Variants in TNNI3K observed in about 807,000 individuals in gnomAD.
The protein encoded by TNNI3K is TNNI3 interacting kinase.
In TNNI3K, 140 loss-of-function variants were observed where a neutral mutation model predicts 114.5. The observed-to-expected ratio is 1.22, with a 90% CI of 1.07 to 1.41. The LOEUF (loss-of-function observed/expected upper bound fraction) is 1.41, where lower values mean the gene tolerates loss of function less well. Among genes scored for constraint, TNNI3K ranks in the 40% most tolerant of loss-of-function variants. The pLI, the probability that TNNI3K is intolerant of heterozygous loss-of-function variation, is 0.00. For missense variants in TNNI3K, 1,125 were observed against 1,007.6 expected, an observed-to-expected ratio of 1.12 and a Z score of -1.58; for synonymous variants, 347 against 347.5, an observed-to-expected ratio of 1.00 and a Z score of 0.02.
intron 11 of TNNI3K, among the ~76,000 whole-genome samples, chr1:74,362,204 A>G (rs1186406457): frequency 1.3e-5 from 2 of 152,154 alleles, no homozygotes. Flanking sequence ...ATGCTTCTGG[A>G]AAGTGAGTTT....
At chr1:74,259,657 C>A (rs970687588) in intron 4 of TNNI3K, among the ~76,000 whole-genome samples, 1 of 152,110 alleles carries the variant, frequency 6.6e-6, no homozygotes, top group African/African-American at 2.4e-5. Flanking sequence ...CCTATAGTCC[C>A]AGCTACTTGG....
At chr1:74,362,641 T>C (rs1331799671) in intron 11 of TNNI3K, among the ~76,000 whole-genome samples, 1 of 152,168 alleles carries the variant, frequency 6.6e-6, no homozygotes, top group East Asian at 1.9e-4. Flanking sequence ...TATATGACTA[T>C]GATGTAGATA....
At chr1:74,334,974 G>T (rs182354999) in intron 6 of TNNI3K, among the ~76,000 whole-genome samples, 125 of 152,274 alleles carry the variant, frequency 8.2e-4, no homozygotes, top group Non-Finnish European at 1.6e-3. Context: ...AAAAAATGTG[G>T]AGATGATTTT....
At chr1:74,515,832 T>C (rs935929526) in intron 23 of TNNI3K, among the ~76,000 whole-genome samples, 4 of 152,208 alleles carry the variant, frequency 2.6e-5, no homozygotes, top group African/African-American at 9.7e-5. Flanking sequence ...CTAAATTGGC[T>C]ATTTCTTTAG....
In TNNI3K at chr1:74,472,289, T is replaced by C. The variant is rs1047080955; in HGVS notation, c.2121+8739T>C. On this transcript the variant is annotated intron_variant, in intron 21 of 24. Coordinates refer to ENST00000326637, the MANE Select transcript of TNNI3K (RefSeq NM_015978.3). The stretch of plus-strand genomic sequence containing the variant: ...ATGCGTAGAAACCTTATGAAAAGTA[T>C]AAAACTGACTCCTCTGATAATTGCA... 3 of 649,250 alleles carry C rather than the reference T, an allele frequency of 4.6e-6. No individual in the cohort carries two copies. In the African/African-American group the frequency reaches 5.5e-5, roughly 12 times the overall value. 40.2% of individuals were successfully genotyped at this position (649,250 alleles called of 1,614,324 possible). A position where few individuals can be genotyped will look rare whatever the true frequency, so the allele number is the denominator to read the frequency against.
intron 21 of TNNI3K, among the ~76,000 whole-genome samples, chr1:74,487,629 T>A (rs912051745): frequency 6.6e-6 from 1 of 151,784 alleles, no homozygotes; most frequent in South Asian, 2.1e-4. Context: ...AAATGAAATA[T>A]AAGGTAAAGG....
At chr1:74,367,369 T>C in intron 12 of TNNI3K, 27 bp downstream of exon 12, 1 of 1,608,338 alleles carries the variant, frequency 6.2e-7, no homozygotes, top group South Asian at 1.1e-5. Context: ...TCAGTTTTCA[T>C]TATTGTATAA....
intron 5 of TNNI3K, among the ~76,000 whole-genome samples, chr1:74,311,927 A>G (rs988364273): frequency 6.6e-6 from 1 of 152,178 alleles, no homozygotes; most frequent in African/African-American, 2.4e-5. Context: ...TTAACTATGA[A>G]TATTTGTATT....
At chr1:74,257,242 G>A (rs922756805) in intron 4 of TNNI3K, among the ~76,000 whole-genome samples, 1 of 152,062 alleles carries the variant, frequency 6.6e-6, no homozygotes, top group African/African-American at 2.4e-5. Context: ...GATTAATTAA[G>A]ATATAATTTC....
intron 1 of TNNI3K, among the ~76,000 whole-genome samples, 190 bp downstream of exon 1, chr1:74,235,681 A>C (rs1272918351): frequency 1.3e-5 from 2 of 151,578 alleles, no homozygotes; most frequent in East Asian, 1.9e-4. Context: ...GGAAACAAGA[A>C]ATTTCTTACA....
At chr1:74,500,191 T>C (rs1669537938) in intron 23 of TNNI3K, among the ~76,000 whole-genome samples, 1 of 152,146 alleles carries the variant, frequency 6.6e-6, no homozygotes, top group Non-Finnish European at 1.5e-5. Flanking sequence ...TTTATCTTCA[T>C]CAAGATTTTA....
intron 17 of TNNI3K, among the ~76,000 whole-genome samples, chr1:74,417,913 T>A (rs1292930381): frequency 6.6e-6 from 1 of 151,976 alleles, no homozygotes; most frequent in Non-Finnish European, 1.5e-5. Context: ...ATCTAAAAAT[T>A]ACAAAAAAAG....
chr1:74,268,686 A>T (rs2039407), intron 4 of TNNI3K, among the ~76,000 whole-genome samples: 11,055 of 151,938 alleles, frequency 0.073, 498 homozygotes, highest in African/African-American at 0.12. Context: ...AAAAGGAGTG[A>T]CAGAACTGCT....
intron 17 of TNNI3K, chr1:74,378,827 G>C (rs1227098824): frequency 1.3e-5 from 2 of 151,046 alleles, no homozygotes; most frequent in Non-Finnish European, 3.0e-5. Context: ...ATGAGTTTTA[G>C]TGGTCAGCCA....
intron 17 of TNNI3K, chr1:74,375,857 T>C: frequency 3.9e-6 from 1 of 258,816 alleles, no homozygotes; most frequent in Non-Finnish European, 8.1e-6. Flanking sequence ...AATTCCCGTC[T>C]TGATAAATCA....
At chr1:74,266,394 A>G (rs576412156) in intron 4 of TNNI3K, among the ~76,000 whole-genome samples, 1 of 152,098 alleles carries the variant, frequency 6.6e-6, no homozygotes, top group African/African-American at 2.4e-5. Flanking sequence ...GTTTTTCAGC[A>G]AACAGAAAGG....
At chr1:74,367,629 G>A (rs1662344696) in intron 12 of TNNI3K, among the ~76,000 whole-genome samples, 1 of 151,924 alleles carries the variant, frequency 6.6e-6, no homozygotes, top group Non-Finnish European at 1.5e-5. Flanking sequence ...GATAAGCTGA[G>A]AGCAGTCATT....
intron 5 of TNNI3K, among the ~76,000 whole-genome samples, chr1:74,316,856 ATTTT>A (rs60524669): frequency 1.6e-4 from 23 of 143,076 alleles, no homozygotes; most frequent in African/African-American, 3.9e-4. Flanking sequence ...CGCCCAGCTA[ATTTT>A]TTTTTTTTTT....
chr1:74,401,971 T>C lies in TNNI3K; in HGVS notation c.1772+31579T>C, dbSNP rs924279995. 24 of 361,896 alleles carry C rather than the reference T, an allele frequency of 6.6e-5. 1 individual carries two copies. Among genetic ancestry groups the C allele is most frequent in the Non-Finnish European group, 1.3e-4 (24 of 183,740 alleles). The allele number at this position is 361,896 out of a possible 1,614,324, so 22.4% of individuals were successfully genotyped here. A position where few individuals can be genotyped will look rare whatever the true frequency, so the allele number is the denominator to read the frequency against. On this transcript the variant is annotated intron_variant, in intron 17 of 24. Transcript: ENST00000326637. ...CCATCCTAAAAGGTATTGATGGAAATGATACAAAGTTAAATTTTATATATA... is the reference window on the plus strand; with the variant it reads ...CCATCCTAAAAGGTATTGATGGAAACGATACAAAGTTAAATTTTATATATA...
Sources: allele counts gnomAD v4.1 joint callset (sites outside exome capture counted in the v4.1 genomes callset), GRCh38; gene constraint gnomAD v4.1.1; transcripts MANE v1.5; gene names NCBI Gene and HGNC (gene_info 2026-07-23, HGNC 2026-07-21).